NTM: variants seen among roughly 807,000 people sequenced by gnomAD.
NTM encodes neurotrimin.
Under a neutral mutation model 42.1 loss-of-function variants are expected in NTM, and 13 were observed. That is an observed-to-expected ratio of 0.31 (90% CI 0.20 to 0.49). The LOEUF is 0.49. Among genes scored for constraint, NTM ranks in the 20% least tolerant of loss-of-function variants. The pLI, the probability that NTM is intolerant of heterozygous loss-of-function variation, is 0.99. For synonymous variants in NTM, 187 were observed against 179.2 expected (o/e 1.04, Z -0.35); for missense variants, 373 against 452.8 (o/e 0.82, Z 1.60).
At chr11:131,985,056 A>G (rs1266822530) in intron 2 of NTM, among the ~76,000 whole-genome samples, 1 of 152,112 alleles carries the variant, frequency 6.6e-6, no homozygotes, top group African/African-American at 2.4e-5. Flanking sequence ...CATTTCTGAA[A>G]TCAGTCTCTC....
At chr11:131,721,713 CG>C (rs2135402387) in intron 1 of NTM, among the ~76,000 whole-genome samples, 1 of 151,994 alleles carries the variant, frequency 6.6e-6, no homozygotes, top group Non-Finnish European at 1.5e-5. Flanking sequence ...TGAAATAATG[CG>C]GGCCAGGAGC....
At chr11:131,717,273 T>A (rs2077799213) in intron 1 of NTM, among the ~76,000 whole-genome samples, 1 of 152,190 alleles carries the variant, frequency 6.6e-6, no homozygotes, top group Non-Finnish European at 1.5e-5. Context: ...TACTAAAAAA[T>A]TTCCTGGTTT....
intron 4 of NTM, among the ~76,000 whole-genome samples, chr11:132,283,317 G>A (rs1458315734): frequency 2.0e-5 from 3 of 152,206 alleles, no homozygotes; most frequent in Admixed American, 2.0e-4. Flanking sequence ...TGGTGTAAAA[G>A]CTAAACATCT....
Position 132,146,518 on chromosome 11 carries a change from G to T in NTM, c.400+4G>T. The T allele has an allele frequency of 2.5e-6, 4 of 1,612,292 alleles. No homozygotes were observed. The highest frequency in any genetic ancestry group is 3.4e-6 in the Non-Finnish European group (4 of 1,178,518). On this transcript the variant is annotated splice_donor_region_variant and intron_variant, in intron 3 of 8. Transcript: ENST00000683400. This position sits in a 1 kb window ranked among gnomAD's most constrained non-coding sequence, Gnocchi z 4.5. ...AGGGTCCACCTCATTGTGCAAGGTA[G>T]GTGGGCGGGGCTTGGCGGGGAGATC...
In NTM at chr11:132,334,743, G is replaced by A. The variant is rs781214697; in HGVS notation, c.968-303G>A. Among the ~76,000 whole-genome samples the A allele has an allele frequency of 1.4e-4, 21 of 152,034 alleles. 1 individual carries two copies. Among genetic ancestry groups the A allele is most frequent in the South Asian group, 8.3e-4 (4 of 4,802 alleles). ...TTAATGAATCTGCCACCTTCTTCTT[G>A]AATTTGAGCCTGAGCCATGGCCTTT... On this transcript the variant is annotated intron_variant, in intron 8 of 8. Coordinates refer to ENST00000683400, the MANE Select transcript of NTM (RefSeq NM_001352005.2).
chr11:131,711,882 C>CA (rs1467614630), intron 1 of NTM, among the ~76,000 whole-genome samples: 1 of 145,260 alleles, frequency 6.9e-6, no homozygotes, highest in African/African-American at 2.5e-5. Context: ...ATCGCAAGGA[C>CA]AAAAAAACCA....
intron 3 of NTM, among the ~76,000 whole-genome samples, chr11:132,168,732 G>A (rs2075660025): frequency 6.6e-6 from 1 of 152,144 alleles, no homozygotes. Flanking sequence ...TTTTAGAACT[G>A]ATTTTCAGGC....
At chr11:131,399,788 G>A (rs1342365467) in intron 1 of NTM, among the ~76,000 whole-genome samples, 1 of 152,144 alleles carries the variant, frequency 6.6e-6, no homozygotes, top group East Asian at 1.9e-4. Flanking sequence ...GCACCTGACT[G>A]GCTGGCTTTC....
At chr11:132,301,320 C>T (rs747246175) in intron 4 of NTM, among the ~76,000 whole-genome samples, 2 of 152,202 alleles carry the variant, frequency 1.3e-5, no homozygotes, top group African/African-American at 2.4e-5. Flanking sequence ...ATTCAATTAT[C>T]TCCACCTGGT....
At chr11:131,980,260 T>G (rs909304634) in intron 2 of NTM, among the ~76,000 whole-genome samples, 1 of 152,272 alleles carries the variant, frequency 6.6e-6, no homozygotes, top group Admixed American at 6.5e-5. Flanking sequence ...TTCAGCAAAA[T>G]GATGTCTGGT....
chr11:131,918,183 C>T (rs991221085), intron 2 of NTM, among the ~76,000 whole-genome samples: 4 of 152,170 alleles, frequency 2.6e-5, no homozygotes, highest in Non-Finnish European at 4.4e-5. Flanking sequence ...AGAGGGCCGG[C>T]AGCCAGTACA....
At chr11:131,778,083 G>A (rs928248023) in intron 1 of NTM, among the ~76,000 whole-genome samples, 2 of 152,192 alleles carry the variant, frequency 1.3e-5, no homozygotes, top group Non-Finnish European at 2.9e-5. Flanking sequence ...CAGCTCAGAA[G>A]TTTAACCCCA....
At chr11:131,644,753 G>A (rs1478933804) in intron 1 of NTM, among the ~76,000 whole-genome samples, 1 of 148,128 alleles carries the variant, frequency 6.8e-6, no homozygotes, top group Non-Finnish European at 1.5e-5. Context: ...AAGATTGAAA[G>A]ATACATTTTT....
chr11:132,250,973 A>C (rs2091879340), intron 4 of NTM, among the ~76,000 whole-genome samples: 1 of 152,176 alleles, frequency 6.6e-6, no homozygotes, highest in Non-Finnish European at 1.5e-5. Context: ...AAGCTGAAAA[A>C]TTTTGAGCCC....
chr11:131,491,734 G>T (rs1178960810), intron 1 of NTM, among the ~76,000 whole-genome samples: 1 of 152,248 alleles, frequency 6.6e-6, no homozygotes, highest in African/African-American at 2.4e-5. Context: ...ATACCAGAGC[G>T]AGATAAGACA....
At position 131,488,983 on chromosome 11, in the gene NTM, C is replaced by A. The variant is rs775574354; in HGVS notation, c.82+118095C>A. ...CAATTCTAAAATCCAGGAAGGCATT[C>A]ATTCACTGTGCATTAAGCCTTCCTG... On this transcript the variant is annotated intron_variant, in intron 1 of 8. Coordinates refer to ENST00000683400, the MANE Select transcript of NTM (RefSeq NM_001352005.2). Among the ~76,000 whole-genome samples the A allele has an allele frequency of 9.5e-4, 144 of 152,208 alleles. 4 individuals are homozygous for A. The highest frequency in any genetic ancestry group is 5.9e-4 in the Admixed American group (9 of 15,284).
Position 132,003,207 on chromosome 11 carries a change from A to AGGC in NTM, c.167+91560_167+91562dup, listed in dbSNP as rs2069766169. 6.6e-6 allele frequency among the ~76,000 whole-genome samples: 1 copy of AGGC among 150,954 alleles called. No individual in the cohort carries two copies. On this transcript the variant is annotated intron_variant, in intron 2 of 8. Transcript: ENST00000683400. This position sits in a 1 kb window ranked among gnomAD's most constrained non-coding sequence, Gnocchi z 6.0. The stretch of plus-strand genomic sequence containing the variant: ...AGTGGTGCACTTCAGAAACACCTGG[A>AGGC]GGCTTGTTGAATCCGGATTCCTCCA...
At chr11:131,446,080 T>A (rs1304631713) in intron 1 of NTM, among the ~76,000 whole-genome samples, 2 of 152,134 alleles carry the variant, frequency 1.3e-5, no homozygotes, top group Admixed American at 1.3e-4. Flanking sequence ...TTTTCAAATA[T>A]CCAACTTAAG....
intron 1 of NTM, among the ~76,000 whole-genome samples, chr11:131,672,218 C>T (rs920331482): frequency 1.3e-5 from 2 of 152,212 alleles, no homozygotes; most frequent in Admixed American, 1.3e-4. Flanking sequence ...CAAGGGGACC[C>T]TTGAACATTT....
Sources: gnomAD v4.1 joint callset for allele counts (sites outside exome capture counted in the v4.1 genomes callset) on GRCh38, gnomAD v4.1.1 for gene constraint, Gnocchi (gnomAD v3.1) non-coding constraint, MANE v1.5 for transcripts, NCBI Gene and HGNC (gene_info 2026-07-23, HGNC 2026-07-21) for gene names.